MMS22L: variants seen among roughly 807,000 people sequenced by gnomAD.
MMS22L encodes the protein protein MMS22-like.
A neutral mutation model predicts 159.1 loss-of-function variants in MMS22L; 74 were observed. That is an observed-to-expected ratio of 0.47 (90% CI 0.39 to 0.56). MMS22L has a LOEUF of 0.56. Among genes scored for constraint, MMS22L ranks in the 20% least tolerant of loss-of-function variants. The pLI, the probability that MMS22L is intolerant of heterozygous loss-of-function variation, is 0.00. For missense variants in MMS22L, 1,351 were observed against 1,422.1 expected, an observed-to-expected ratio of 0.95 and a Z score of 0.80; for synonymous variants, 517 against 506.9, an observed-to-expected ratio of 1.02 and a Z score of -0.27.
At chr6:97,194,814 T>G (rs569427570) in intron 14 of MMS22L, among the ~76,000 whole-genome samples, 1 of 151,406 alleles carries the variant, frequency 6.6e-6, no homozygotes, top group Non-Finnish European at 1.5e-5. Flanking sequence ...AGGTAAGGAG[T>G]GTTTAGGTGA....
chr6:97,216,708 A>G (rs1171426999), intron 14 of MMS22L, among the ~76,000 whole-genome samples: 1 of 152,180 alleles, frequency 6.6e-6, no homozygotes, highest in Non-Finnish European at 1.5e-5. Flanking sequence ...CTACAAACTC[A>G]TTGCTGAATT....
chr6:97,160,768 C>T (rs1802360520), intron 22 of MMS22L, among the ~76,000 whole-genome samples: 1 of 151,882 alleles, frequency 6.6e-6, no homozygotes, highest in African/African-American at 2.4e-5. Flanking sequence ...CATTTCTCAA[C>T]AGCTCTGTTC....
intron 10 of MMS22L, among the ~76,000 whole-genome samples, chr6:97,246,925 A>G (rs1236524158): frequency 6.6e-6 from 1 of 152,020 alleles, no homozygotes; most frequent in Non-Finnish European, 1.5e-5. Flanking sequence ...GTGGTGCTTC[A>G]GTAAGATTAT....
At chr6:97,215,107 TATATATA>T (rs1050950288) in intron 14 of MMS22L, among the ~76,000 whole-genome samples, 5 of 81,078 alleles carry the variant, frequency 6.2e-5, no homozygotes, top group African/African-American at 1.2e-4. Context: ...TATATATATA[TATATATA>T]TTTTTTTTTT....
chr6:97,150,119 A>C, intron 23 of MMS22L, 99 bp from the exon 24 acceptor site: 2 of 849,590 alleles, frequency 2.4e-6, no homozygotes, highest in Non-Finnish European at 1.8e-6. Flanking sequence ...AACAAAGATC[A>C]TTTCATAAAA....
rs915086254 is a variant in MMS22L, at chr6:97,182,043, G to A, written c.2245C>T (p.Leu749=). The A allele has an allele frequency of 1.2e-6, 2 of 1,609,210 alleles. No homozygotes were observed. Among genetic ancestry groups the A allele is most frequent in the Non-Finnish European group, 1.7e-6 (2 of 1,178,376 alleles). Residue 749 remains leucine (L), a synonymous_variant, in exon 16 of 25, where the codon CTA becomes TTA. Coordinates refer to ENST00000683635, the MANE Select transcript of MMS22L (RefSeq NM_001350599.2). The part of the protein sequence containing the change: ...LADAAADFTL[L]AMDMPSTAPS... Reference sequence around the variant, plus strand: ...GCTGTGCTTGGCATGTCCATTGCTAGCAAAGTAAAGTCTAGATTCAAAATG... The same window carrying A: ...GCTGTGCTTGGCATGTCCATTGCTAACAAAGTAAAGTCTAGATTCAAAATG...
chr6:97,224,747 A>G (rs1212101829), intron 14 of MMS22L, among the ~76,000 whole-genome samples: 1 of 150,002 alleles, frequency 6.7e-6, no homozygotes, highest in Non-Finnish European at 1.5e-5. Flanking sequence ...TTTTTTTTTT[A>G]ATGTAGTGGT....
chr6:97,256,375 T>C (rs1360960714), intron 9 of MMS22L, among the ~76,000 whole-genome samples: 1 of 152,208 alleles, frequency 6.6e-6, no homozygotes, highest in Non-Finnish European at 1.5e-5. Context: ...CAATAAATTA[T>C]ATTACTGATT....
At chr6:97,158,539 T>C (rs970791684) in intron 22 of MMS22L, among the ~76,000 whole-genome samples, 3 of 152,184 alleles carry the variant, frequency 2.0e-5, no homozygotes, top group African/African-American at 7.2e-5. Context: ...TCAAAGAACA[T>C]CTTTACTTCT....
rs369290003 is a variant in MMS22L at position 97,282,369 on chromosome 6, C to T, written c.109G>A (p.Gly37Arg). The T allele has an allele frequency of 5.0e-5, 81 of 1,614,052 alleles. No individual in the cohort carries two copies. The highest frequency in any genetic ancestry group is 6.7e-5 in the Non-Finnish European group (79 of 1,180,026). ...PYFSCAVDNR[G>R]GGKHFSGESY... ...TCTCCAGAAAAATGTTTTCCTCCTC[C>T]TCTGTTGTCAACAGCACAAGAAAAG... Residue 37 changes from glycine (G) to arginine (R), a missense_variant, in exon 2 of 25, where the codon GGA (glycine) becomes AGA (arginine). Gly to Arg is a moderately radical substitution (Grantham distance 125, BLOSUM62 -2). Transcript: ENST00000683635.
chr6:97,176,043 G>A (rs573185091), intron 18 of MMS22L, among the ~76,000 whole-genome samples: 1 of 151,984 alleles, frequency 6.6e-6, no homozygotes, highest in Non-Finnish European at 1.5e-5. Context: ...TGTCGTTCAC[G>A]GAATACTGAA....
At chr6:97,218,571 T>C (rs191674225) in intron 14 of MMS22L, among the ~76,000 whole-genome samples, 3 of 152,338 alleles carry the variant, frequency 2.0e-5, no homozygotes, top group Admixed American at 2.0e-4. Flanking sequence ...TCAAAAATAC[T>C]AGTTAAATTT....
At chr6:97,219,746 T>C (rs1809420779) in intron 14 of MMS22L, among the ~76,000 whole-genome samples, 1 of 152,134 alleles carries the variant, frequency 6.6e-6, no homozygotes, top group African/African-American at 2.4e-5. Flanking sequence ...GCAGCAACTA[T>C]CAGGCACTAC....
In MMS22L at chr6:97,249,488, T is replaced by C. The variant is rs533876350; in HGVS notation, c.1120-2798A>G. ...AGTTTTAGGGACTGTCCCCTGAAAC[T>C]TGGTAGTTGGCCCTAAAAGTCTCTC... On this transcript the variant is annotated intron_variant, in intron 10 of 24. Transcript: ENST00000683635. Among the ~76,000 whole-genome samples the C allele has an allele frequency of 5.3e-5, 8 of 152,288 alleles. No homozygotes were observed. In the South Asian group the frequency reaches 1.7e-3, roughly 32 times the overall value.
chr6:97,184,115 C>G (rs987570262), intron 15 of MMS22L, among the ~76,000 whole-genome samples: 4 of 152,154 alleles, frequency 2.6e-5, no homozygotes, highest in Non-Finnish European at 5.9e-5. Context: ...CTTATTAAAT[C>G]CAATGACTAA....
chr6:97,237,181 A>C (rs1428985486), intron 11 of MMS22L, among the ~76,000 whole-genome samples: 1 of 152,198 alleles, frequency 6.6e-6, no homozygotes, highest in Non-Finnish European at 1.5e-5. Context: ...AGATAAGGCA[A>C]GTAAAAGAAA....
intron 14 of MMS22L, among the ~76,000 whole-genome samples, chr6:97,220,036 C>T (rs1809463386): frequency 6.6e-6 from 1 of 152,126 alleles, no homozygotes. Context: ...CCAACTTAAC[C>T]TTTTTCTAAG....
At chr6:97,244,172 G>A (rs923739354) in intron 11 of MMS22L, among the ~76,000 whole-genome samples, 6 of 152,158 alleles carry the variant, frequency 3.9e-5, no homozygotes, top group Admixed American at 6.5e-5. Flanking sequence ...ATGAGTTGCC[G>A]TAATGGCTTG....
intron 14 of MMS22L, among the ~76,000 whole-genome samples, chr6:97,187,052 A>G (rs1309945630): frequency 1.3e-5 from 2 of 152,284 alleles, no homozygotes; most frequent in East Asian, 3.9e-4. Context: ...TTTTCTCCTG[A>G]GGGCTTTAGG....
Sources: allele counts gnomAD v4.1 joint callset (sites outside exome capture counted in the v4.1 genomes callset), GRCh38; gene constraint gnomAD v4.1.1; transcripts MANE v1.5; gene names NCBI Gene and HGNC (gene_info 2026-07-23, HGNC 2026-07-21).